Variants in LINGO2 observed in about 807,000 individuals in gnomAD.
The protein encoded by LINGO2 is leucine-rich repeat and immunoglobulin-like domain-containing nogo receptor-interacting protein 2.
A neutral mutation model predicts 30.6 loss-of-function variants in LINGO2; 14 were observed. The observed-to-expected ratio is 0.46, with a 90% confidence interval of 0.30 to 0.72. The LOEUF is 0.72. Among genes scored for constraint, LINGO2 ranks in the 30% least tolerant of loss-of-function variants. The pLI is 0.07. For missense variants in LINGO2, 729 were observed against 751.7 expected, an observed-to-expected ratio of 0.97 and a Z score of 0.35; for synonymous variants, 317 against 288.5, an observed-to-expected ratio of 1.10 and a Z score of -1.00.
At chr9:28,409,456 CT>C (rs1372656668) in intron 2 of LINGO2, among the ~76,000 whole-genome samples, 1 of 151,992 alleles carries the variant, frequency 6.6e-6, no homozygotes, top group African/African-American at 2.4e-5. Flanking sequence ...ACATGAGTCA[CT>C]TTTGTTGAAT....
intron 1 of LINGO2, among the ~76,000 whole-genome samples, chr9:28,560,479 A>G (rs1167109417): frequency 1.3e-5 from 2 of 152,076 alleles, no homozygotes; most frequent in African/African-American, 4.8e-5. Context: ...TAAACATGTC[A>G]GCCTCTATAA....
At chr9:28,684,062 A>C in the LINGO2 span, among the ~76,000 whole-genome samples, 1 of 152,046 alleles carries the variant, frequency 6.6e-6, no homozygotes, top group Non-Finnish European at 1.5e-5. Flanking sequence ...TTTTGCAAAA[A>C]ATGTAAAAGT....
At chr9:28,369,669 A>T (rs1820821237) in intron 3 of LINGO2, among the ~76,000 whole-genome samples, 1 of 152,200 alleles carries the variant, frequency 6.6e-6, no homozygotes. Context: ...AAATGCTGGA[A>T]GAAAGGAGAG....
chr9:28,634,578 C>T (rs578073081), intron 1 of LINGO2, among the ~76,000 whole-genome samples: 73 of 151,194 alleles, frequency 4.8e-4, no homozygotes, highest in African/African-American at 1.7e-3. Flanking sequence ...CACCGCCTTC[C>T]GAGTTCAAGC....
intron 1 of LINGO2, among the ~76,000 whole-genome samples, chr9:28,633,325 C>T (rs1360317782): frequency 2.0e-5 from 3 of 151,994 alleles, no homozygotes; most frequent in Non-Finnish European, 4.4e-5. Flanking sequence ...AGAGAAGCTG[C>T]CTTTATTCCA....
rs983605270 is a variant in LINGO2 at position 28,329,545 on chromosome 9, C to T, written c.-245-34179G>A. ...TCCTGGTACAACATGCATGTTCAGACTTGTTTGAGCCAGGGCTTCGGTTCA... is the reference window on the plus strand; with the variant it reads ...TCCTGGTACAACATGCATGTTCAGATTTGTTTGAGCCAGGGCTTCGGTTCA... On this transcript the variant is annotated intron_variant, in intron 3 of 5. Transcript: ENST00000379992. The surrounding 1 kb of genome is among the most constrained non-coding windows in gnomAD (Gnocchi z 4.5). Among the ~76,000 whole-genome samples the T allele has an allele frequency of 6.6e-6, 1 of 152,116 alleles. No individual in the cohort carries two copies. Among genetic ancestry groups the T allele is most frequent in the African/African-American group, 2.4e-5 (1 of 41,424 alleles).
chr9:28,768,232 A>G, the LINGO2 span, among the ~76,000 whole-genome samples: 1 of 152,184 alleles, frequency 6.6e-6, no homozygotes. Context: ...GTCATCCACA[A>G]AGGTAACCAG....
At chr9:28,826,125 G>T in the LINGO2 span, among the ~76,000 whole-genome samples, 1 of 152,024 alleles carries the variant, frequency 6.6e-6, no homozygotes, top group East Asian at 1.9e-4. Context: ...CTGTAAGAAC[G>T]ACATACCAAC....
chr9:28,075,885 A>G (rs1177482202), intron 4 of LINGO2, among the ~76,000 whole-genome samples: 2 of 152,106 alleles, frequency 1.3e-5, no homozygotes, highest in South Asian at 2.1e-4. Context: ...CTAGTAGTTT[A>G]TAATTTTAAG....
chr9:29,190,918 G>A, the LINGO2 span, among the ~76,000 whole-genome samples: 1 of 152,138 alleles, frequency 6.6e-6, no homozygotes, highest in African/African-American at 2.4e-5. Context: ...GATAGACAGA[G>A]ACCAAATGAA....
At chr9:28,012,206 G>T (rs995614304) in intron 5 of LINGO2, 13 of 152,136 alleles carry the variant, frequency 8.5e-5, no homozygotes, top group African/African-American at 2.9e-4. Context: ...AGAGTGGAGG[G>T]AAAGGGAAAC....
chr9:28,234,201 C>T (rs1261495156), intron 4 of LINGO2, among the ~76,000 whole-genome samples: 2 of 152,100 alleles, frequency 1.3e-5, no homozygotes, highest in Admixed American at 1.3e-4. Flanking sequence ...AAAAAGGAGC[C>T]CACTGCCCTG....
intron 1 of LINGO2, among the ~76,000 whole-genome samples, chr9:28,492,109 A>G (rs1826417525): frequency 6.6e-6 from 1 of 152,206 alleles, no homozygotes; most frequent in Non-Finnish European, 1.5e-5. Context: ...TCAGATTTCA[A>G]AATTTCAGCT....
At chr9:28,472,376 T>G (rs1193043334) in intron 2 of LINGO2, among the ~76,000 whole-genome samples, 1 of 152,010 alleles carries the variant, frequency 6.6e-6, no homozygotes, top group Non-Finnish European at 1.5e-5. Context: ...GTATTGGTAG[T>G]TTTTCTAGGT....
At chr9:28,584,933 A>ATTTTT (rs1046279252) in intron 1 of LINGO2, among the ~76,000 whole-genome samples, 12 of 13,938 alleles carry the variant, frequency 8.6e-4, no homozygotes, top group African/African-American at 1.7e-3. Flanking sequence ...ACTGCAAGAG[A>ATTTTT]TTTTTTTTTT....
chr9:28,756,424 G>C, the LINGO2 span, among the ~76,000 whole-genome samples: 1 of 151,992 alleles, frequency 6.6e-6, no homozygotes, highest in Admixed American at 6.5e-5. Flanking sequence ...TCTCAGCTGA[G>C]ATTTTGGACT....
the LINGO2 span, among the ~76,000 whole-genome samples, chr9:29,182,477 AT>A: frequency 1.3e-5 from 2 of 152,136 alleles, no homozygotes; most frequent in East Asian, 3.9e-4. Context: ...GGAAAAGGTA[AT>A]TACTACAGAT....
chr9:29,163,367 C>G, the LINGO2 span, among the ~76,000 whole-genome samples: 1 of 152,070 alleles, frequency 6.6e-6, no homozygotes, highest in Non-Finnish European at 1.5e-5. Flanking sequence ...GATGCAAATC[C>G]TTTTATATAG....
chr9:28,234,926 G>C (rs1374474065), intron 4 of LINGO2, among the ~76,000 whole-genome samples: 2 of 152,220 alleles, frequency 1.3e-5, no homozygotes, highest in Non-Finnish European at 2.9e-5. Context: ...TGTGGTCTGA[G>C]TGCCAGCTAG....
Sources: allele counts gnomAD v4.1 joint callset (sites outside exome capture counted in the v4.1 genomes callset), GRCh38; gene constraint gnomAD v4.1.1; non-coding constraint Gnocchi (gnomAD v3.1); transcripts MANE v1.5; gene names NCBI Gene and HGNC (gene_info 2026-07-23, HGNC 2026-07-21).